The following MAK variants were observed in gnomAD, a reference collection of about 807,000 sequenced individuals.
MAK encodes the protein serine/threonine-protein kinase MAK.
A neutral mutation model predicts 82.6 loss-of-function variants in MAK; 65 were observed. The observed-to-expected ratio is 0.79, with a 90% CI of 0.64 to 0.97. The LOEUF (loss-of-function observed/expected upper bound fraction) is 0.97, where lower values mean the gene tolerates loss of function less well. Ranked by LOEUF, MAK falls within the 50% of genes least tolerant of loss-of-function variation. MAK has a pLI of 0.00. For missense variants in MAK, 703 were observed against 780.2 expected, an observed-to-expected ratio of 0.90 and a Z score of 1.18; for synonymous variants, 250 against 274.2, an observed-to-expected ratio of 0.91 and a Z score of 0.87.
intron 14 of MAK, among the ~76,000 whole-genome samples, 155 bp from the exon 15 acceptor site, chr6:10,764,761 A>G (rs1772240905): frequency 6.6e-6 from 1 of 152,192 alleles, no homozygotes; most frequent in African/African-American, 2.4e-5. Context: ...GTTAAAACCA[A>G]AAATTCTAGT....
At position 10,817,940 on chromosome 6, in the gene MAK, A is replaced by G; in HGVS notation, c.188T>C (p.Ile63Thr). Residue 63 changes from isoleucine to threonine, a missense_variant, in exon 4 of 15, where the codon ATT (isoleucine) becomes ACT (threonine). By Grantham distance (89) the Ile-to-Thr change is moderately conservative. Coordinates refer to ENST00000354489, the MANE Select transcript of MAK (RefSeq NM_001242957.3). ...TTCTCTGATAACTTCTTTCAATTTA[A>G]TAACATTGGCATGATTAAGTTTCTT... The part of the protein sequence containing the change: ...SLKKLNHANV[I>T]KLKEVIREND... The G allele has an allele frequency of 7.0e-7, 1 of 1,423,748 alleles. No individual in the cohort carries two copies. The highest frequency in any genetic ancestry group is 1.2e-5 in the South Asian group (1 of 85,658). 88.2% of individuals were successfully genotyped at this position (1,423,748 alleles called of 1,614,324 possible). A position where few individuals can be genotyped will look rare whatever the true frequency, so the allele number is the denominator to read the frequency against.
rs1773456731 is a variant in MAK, at chr6:10,776,357, A to C, written c.1466-898T>G. Among the ~76,000 whole-genome samples, 2 of 152,344 alleles carry C rather than the reference A, an allele frequency of 1.3e-5. No homozygotes were observed. Among genetic ancestry groups the C allele is most frequent in the South Asian group, 4.1e-4 (2 of 4,826 alleles). On this transcript the variant is annotated intron_variant, in intron 11 of 14. Coordinates refer to ENST00000354489, the MANE Select transcript of MAK (RefSeq NM_001242957.3). This position sits in a 1 kb window ranked among gnomAD's most constrained non-coding sequence, Gnocchi z 4.3. ...ATTTTCTGAAATCTGTGAAATGTCC[A>C]TTCAGCCTTGGGCCGTGATACTAGT...
chr6:10,833,493 T>A, intron 1 of MAK, among the ~76,000 whole-genome samples: 1 of 152,050 alleles, frequency 6.6e-6, no homozygotes, highest in Admixed American at 6.6e-5. Flanking sequence ...TAGCCCTAGT[T>A]ACTAAGGAGG....
chr6:10,779,282 G>A, intron 11 of MAK: 15 of 938,254 alleles, frequency 1.6e-5, no homozygotes, highest in Non-Finnish European at 1.9e-5. Context: ...ATTGCATACT[G>A]TATTTGCAAC....
rs892132976 is a variant in MAK at position 10,800,237 on chromosome 6, G to C, written c.831+1655C>G. Among the ~76,000 whole-genome samples the C allele has an allele frequency of 2.6e-5, 4 of 151,812 alleles. No individual in the cohort carries two copies. The highest frequency in any genetic ancestry group is 9.7e-5 in the African/African-American group (4 of 41,318). On this transcript the variant is annotated intron_variant, in intron 8 of 14. Coordinates refer to ENST00000354489, the MANE Select transcript of MAK (RefSeq NM_001242957.3). This position sits in a 1 kb window ranked among gnomAD's most constrained non-coding sequence, Gnocchi z 4.2. ...GTGGAGATCATGCCACTACACTCCA[G>C]CCTGGGCAACAGAAACTCCATCTCA...
At chr6:10,792,396 A>T (rs1775164961) in intron 9 of MAK, among the ~76,000 whole-genome samples, 1 of 152,264 alleles carries the variant, frequency 6.6e-6, no homozygotes, top group Non-Finnish European at 1.5e-5. Flanking sequence ...CATGAGCTCC[A>T]GCTACCCACC....
At chr6:10,827,841 C>A (rs1234150767) in intron 2 of MAK, 1 of 152,024 alleles carries the variant, frequency 6.6e-6, no homozygotes, top group East Asian at 1.9e-4. Context: ...ACCACGATGC[C>A]CAATTAATTT....
intron 4 of MAK, among the ~76,000 whole-genome samples, chr6:10,816,110 ATTC>A (rs1012074117): frequency 6.6e-6 from 1 of 151,576 alleles, no homozygotes; most frequent in African/African-American, 2.4e-5. Flanking sequence ...GGTTCAAGCA[ATTC>A]TTCTGTCTTA....
At chr6:10,787,255 A>G (rs1166645225) in intron 10 of MAK, among the ~76,000 whole-genome samples, 1 of 152,242 alleles carries the variant, frequency 6.6e-6, no homozygotes, top group Non-Finnish European at 1.5e-5. Context: ...AAATCCACCA[A>G]TTCACCAATT....
chr6:10,797,595 T>A, intron 8 of MAK: 1 of 985,298 alleles, frequency 1.0e-6, no homozygotes, highest in Non-Finnish European at 1.2e-6. Context: ...ATGGAAAAAT[T>A]CCCTTATTGG....
At chr6:10,772,130 T>C (rs192315239) in intron 13 of MAK, among the ~76,000 whole-genome samples, 6 of 152,294 alleles carry the variant, frequency 3.9e-5, no homozygotes, top group Admixed American at 3.9e-4. Context: ...GATTCATGCA[T>C]TATGATGCTT....
intron 2 of MAK, among the ~76,000 whole-genome samples, chr6:10,821,253 A>G (rs1381564764): frequency 6.6e-6 from 1 of 151,720 alleles, no homozygotes; most frequent in Non-Finnish European, 1.5e-5. Flanking sequence ...CCAGCCTGCT[A>G]TGATTCTTGA....
chr6:10,808,191 T>C (rs1281565605), intron 6 of MAK, among the ~76,000 whole-genome samples: 11 of 152,226 alleles, frequency 7.2e-5, no homozygotes, highest in Admixed American at 7.2e-4. Flanking sequence ...CAGATTAGTT[T>C]TCTCTTTTTT....
intron 14 of MAK, among the ~76,000 whole-genome samples, chr6:10,765,716 T>G (rs1279928526): frequency 1.3e-5 from 2 of 149,446 alleles, no homozygotes; most frequent in Non-Finnish European, 3.0e-5. Context: ...CACCTCAGCC[T>G]TGCCAATGAT....
chr6:10,797,711 T>C (rs1775676019), intron 8 of MAK: 1 of 1,124,198 alleles, frequency 8.9e-7, no homozygotes, highest in Non-Finnish European at 1.1e-6. Context: ...AGTCCCCACA[T>C]AGGTGGGAAC....
Position 10,764,416 on chromosome 6 carries a change from A to T in MAK, c.*36T>A, listed in dbSNP as rs747511670. 4 of 1,608,450 alleles carry T rather than the reference A, an allele frequency of 2.5e-6. No individual in the cohort carries two copies. Among genetic ancestry groups the T allele is most frequent in the Non-Finnish European group, 3.4e-6 (4 of 1,175,792 alleles). ...GGGTCAAGGAACTTGCACGTACTCTACGGAGCAATGCTGTAGGGTTTCACA... is the reference window on the plus strand; with the variant it reads ...GGGTCAAGGAACTTGCACGTACTCTTCGGAGCAATGCTGTAGGGTTTCACA... On this transcript the variant is annotated 3_prime_UTR_variant, in exon 15 of 15. Coordinates refer to ENST00000354489, the MANE Select transcript of MAK (RefSeq NM_001242957.3).
intron 2 of MAK, among the ~76,000 whole-genome samples, chr6:10,821,518 C>T (rs547796340): frequency 2.0e-5 from 3 of 146,852 alleles, no homozygotes; most frequent in East Asian, 4.1e-4. Flanking sequence ...TCAGGTAATC[C>T]GCCCACCTCA....
At position 10,796,061 on chromosome 6, in the gene MAK, C is replaced by T. The variant is rs1775527324; in HGVS notation, c.1080G>A (p.Lys360=). 6.2e-7 allele frequency: 1 copy of T among 1,613,926 alleles called. No homozygotes were observed. Among genetic ancestry groups the T allele is most frequent in the Non-Finnish European group, 8.5e-7 (1 of 1,179,990 alleles). Residue 360 remains lysine, a synonymous_variant, in exon 9 of 15, where the codon AAG becomes AAA. Transcript: ENST00000354489. ...PQNLSVQQPP[K]QQSQEKPPQT... ...GTGGCGGTTTCTCCTGACTCTGTTG[C>T]TTTGGAGGTTGCTGGACGCTCAGGT...
intron 4 of MAK, among the ~76,000 whole-genome samples, chr6:10,815,725 G>T (rs2127574148): frequency 6.6e-6 from 1 of 151,756 alleles, no homozygotes; most frequent in African/African-American, 2.4e-5. Context: ...GCCTCTCAAA[G>T]TGCTGAGATT....
Sources: gnomAD v4.1 joint callset for allele counts (sites outside exome capture counted in the v4.1 genomes callset) on GRCh38, gnomAD v4.1.1 for gene constraint, Gnocchi (gnomAD v3.1) non-coding constraint, MANE v1.5 for transcripts, NCBI Gene and HGNC (gene_info 2026-07-23, HGNC 2026-07-21) for gene names.